The following CDKL3 variants were observed in gnomAD, a reference collection of about 807,000 sequenced individuals.
CDKL3 encodes the protein cyclin-dependent kinase-like 3.
Under a neutral mutation model 69.3 loss-of-function variants are expected in CDKL3, and 65 were observed. That is an observed-to-expected ratio of 0.94 (90% CI 0.77 to 1.15). The LOEUF is 1.15. CDKL3 is among the 50% of genes most tolerant of loss of function. The probability of loss-of-function intolerance (pLI) is 0.00; values close to 1 mark genes in which losing one functional copy is unlikely to be tolerated. For missense variants in CDKL3, 652 were observed against 689.2 expected, an observed-to-expected ratio of 0.95 and a Z score of 0.61; for synonymous variants, 202 against 221.6, an observed-to-expected ratio of 0.91 and a Z score of 0.79.
At chr5:134,361,397 T>C (rs866786825) in intron 2 of CDKL3, among the ~76,000 whole-genome samples, 18 of 152,156 alleles carry the variant, frequency 1.2e-4, no homozygotes, top group African/African-American at 4.3e-4. Context: ...TAGAAAACTA[T>C]ACCTTTATGA....
At chr5:134,300,540 T>A (rs1246961271) in intron 12 of CDKL3, among the ~76,000 whole-genome samples, 1 of 152,160 alleles carries the variant, frequency 6.6e-6, no homozygotes, top group African/African-American at 2.4e-5. Context: ...GAAATGTTCT[T>A]AATTCTGACA....
At chr5:134,336,686 C>T (rs1246673320) in intron 4 of CDKL3, among the ~76,000 whole-genome samples, 1 of 152,160 alleles carries the variant, frequency 6.6e-6, no homozygotes, top group African/African-American at 2.4e-5. Context: ...GCTGCCTGAT[C>T]CTTCCTCTGG....
chr5:134,371,376 C>T, upstream of CDKL3: 1 of 659,564 alleles, frequency 1.5e-6, no homozygotes, highest in Non-Finnish European at 2.5e-6. Flanking sequence ...CGCGTCCCGC[C>T]CCCTCCTCCC....
intron 3 of CDKL3, among the ~76,000 whole-genome samples, chr5:134,357,495 G>C (rs1334518601): frequency 6.6e-6 from 1 of 151,894 alleles, no homozygotes; most frequent in Non-Finnish European, 1.5e-5. Context: ...GCCGGGCCTG[G>C]TGGCAGGAGC....
chr5:134,304,094 A>G (rs878969720), intron 11 of CDKL3, among the ~76,000 whole-genome samples: 1 of 151,368 alleles, frequency 6.6e-6, no homozygotes, highest in Non-Finnish European at 1.5e-5. Flanking sequence ...CACCACACCA[A>G]GCTATTTTAT....
intron 4 of CDKL3, among the ~76,000 whole-genome samples, chr5:134,334,697 TTC>T (rs1776628658): frequency 6.6e-6 from 1 of 152,240 alleles, no homozygotes; most frequent in East Asian, 1.9e-4. Flanking sequence ...GTGATTTCTG[TTC>T]TTTTACATTT....
chr5:134,339,166 A>AAAAT (rs1211264600), intron 4 of CDKL3, among the ~76,000 whole-genome samples: 1 of 152,178 alleles, frequency 6.6e-6, no homozygotes, highest in Non-Finnish European at 1.5e-5. Context: ...TGTCTCACAA[A>AAAAT]AAATAAATAA....
At chr5:134,312,961 T>C (rs1048864879) in intron 6 of CDKL3, among the ~76,000 whole-genome samples, 1 of 152,226 alleles carries the variant, frequency 6.6e-6, no homozygotes, top group African/African-American at 2.4e-5. Context: ...AATAAATCTA[T>C]ATGTAGTTAA....
intron 4 of CDKL3, among the ~76,000 whole-genome samples, chr5:134,332,653 A>G (rs1397264167): frequency 6.6e-6 from 1 of 152,108 alleles, no homozygotes; most frequent in South Asian, 2.1e-4. Context: ...ATTGGTCTAT[A>G]TATCTGTTTT....
At position 134,360,072 on chromosome 5, in the gene CDKL3, A is replaced by T; in HGVS notation, c.185T>A (p.Leu62Gln). 6.5e-7 allele frequency: 1 copy of T among 1,534,704 alleles called. No individual in the cohort carries two copies. Residue 62 changes from leucine to glutamine, a missense_variant, in exon 3 of 13, where the codon CTG (leucine) becomes CAG (glutamine). By Grantham distance (113) the Leu-to-Gln change is moderately radical (BLOSUM62 -2). Coordinates refer to ENST00000265334, the MANE Select transcript of CDKL3 (RefSeq NM_001113575.2). ...KFLKQFHHEN[L>Q]VNLIEVFRQK... ...TCTAAAAACTTCAATCAGATTGACC[A>T]GGTTTTCGTGATGAAATTGCTATTG...
At chr5:134,305,107 C>CTTA (rs371619293) in intron 10 of CDKL3, among the ~76,000 whole-genome samples, 1,937 of 149,978 alleles carry the variant, frequency 0.013, 18 homozygotes, top group East Asian at 0.032. Flanking sequence ...TGCATCTGGC[C>CTTA]TTATTATTAT....
At chr5:134,339,938 G>A (rs1750045010) in intron 4 of CDKL3, among the ~76,000 whole-genome samples, 1 of 152,016 alleles carries the variant, frequency 6.6e-6, no homozygotes, top group African/African-American at 2.4e-5. Context: ...GGTCACTTGA[G>A]TACAGGAGTT....
Position 134,302,606 on chromosome 5 carries a change from T to C in CDKL3, c.1703A>G (p.Asn568Ser), listed in dbSNP as rs763638038. Residue 568 changes from asparagine (N) to serine (S), a missense_variant, in exon 12 of 13, where the codon AAT (asparagine) becomes AGT (serine). Transcript: ENST00000265334. Reference protein sequence around the residue: ...KIPTLLNVDQNQEKQEGGDGH... With the variant: ...KIPTLLNVDQSQEKQEGGDGH... ...AAGAGTTACCTCTTGTTTTTCTTGA[T>C]TTTGATCCACGTTAAGTAAAGTTGG... The C allele has an allele frequency of 1.3e-6, 2 of 1,584,248 alleles. No homozygotes were observed. Among genetic ancestry groups the C allele is most frequent in the South Asian group, 1.1e-5 (1 of 88,376 alleles).
upstream of CDKL3, chr5:134,371,582 G>C (rs778920968): frequency 1.2e-6 from 2 of 1,612,454 alleles, no homozygotes; most frequent in Admixed American, 1.7e-5. Context: ...CTGACCGCGG[G>C]GCAGCTGCGG....
intron 3 of CDKL3, among the ~76,000 whole-genome samples, chr5:134,352,655 C>G (rs1195828776): frequency 1.3e-5 from 2 of 152,024 alleles, no homozygotes; most frequent in Non-Finnish European, 2.9e-5. Context: ...TGCCATGTTG[C>G]CTGGTCTGGT....
intron 12 of CDKL3, among the ~76,000 whole-genome samples, chr5:134,299,966 T>C (rs953714559): frequency 6.6e-6 from 1 of 152,178 alleles, no homozygotes; most frequent in African/African-American, 2.4e-5. Context: ...ACTCACTCAT[T>C]CCCAGTAATT....
At chr5:134,363,907 A>C (rs1035707659) in intron 2 of CDKL3, among the ~76,000 whole-genome samples, 2 of 148,284 alleles carry the variant, frequency 1.3e-5, no homozygotes, top group African/African-American at 2.5e-5. Context: ...GCAGTGAGCT[A>C]TGATCATGCC....
chr5:134,353,049 T>C (rs1310210969), intron 3 of CDKL3, among the ~76,000 whole-genome samples: 2 of 152,176 alleles, frequency 1.3e-5, no homozygotes, highest in African/African-American at 4.8e-5. Flanking sequence ...AGTTTAACAG[T>C]TTCAGATCTT....
In CDKL3 at chr5:134,308,166, T is replaced by C; in HGVS notation, c.1336A>G (p.Ser446Gly). Reference sequence around the variant, plus strand: ...ACACTGGGGTGAAAGAGATTTGAACTGAGATTTGCAGCCATCAAATTACTG... The same window carrying C: ...ACACTGGGGTGAAAGAGATTTGAACCGAGATTTGCAGCCATCAAATTACTG... ...TNSNLMAANL[S>G]SNLFHPSVRL... Residue 446 changes from serine (S) to glycine (G), a missense_variant, in exon 9 of 13, where the codon AGT (serine) becomes GGT (glycine). Transcript: ENST00000265334. The C allele has an allele frequency of 6.2e-7, 1 of 1,613,350 alleles. No homozygotes were observed. Among genetic ancestry groups the C allele is most frequent in the East Asian group, 2.2e-5 (1 of 44,852 alleles).
Sources: allele counts gnomAD v4.1 joint callset (sites outside exome capture counted in the v4.1 genomes callset), GRCh38; gene constraint gnomAD v4.1.1; transcripts MANE v1.5; gene names NCBI Gene and HGNC (gene_info 2026-07-23, HGNC 2026-07-21).